G6PD: variants seen among roughly 807,000 people sequenced by gnomAD.
The protein encoded by G6PD is glucose-6-phosphate dehydrogenase.
Under a neutral mutation model 38.2 loss-of-function variants are expected in G6PD, and 2 were observed. That is an observed-to-expected ratio of 0.05 (90% CI 0.02 to 0.16). The LOEUF (loss-of-function observed/expected upper bound fraction) is 0.16. Ranked by LOEUF, G6PD falls within the 10% of genes least tolerant of loss-of-function variation. The pLI is 1.00. For synonymous variants in G6PD, 188 were observed against 196.0 expected (o/e 0.96, Z 0.34); for missense variants, 310 against 471.6 (o/e 0.66, Z 3.17).
intron 1 of G6PD, among the ~76,000 whole-genome samples, chrX:154,546,534 G>A (rs1463772518): frequency 5.4e-5 from 6 of 111,499 alleles, no homozygotes; most frequent in Non-Finnish European, 9.4e-5. Context: ...CTGGAGCATG[G>A]GAGATGGTGC....
At chrX:154,542,061 A>C (rs1260444966) in intron 2 of G6PD, among the ~76,000 whole-genome samples, 1 of 112,002 alleles carries the variant, frequency 8.9e-6, no homozygotes, top group East Asian at 2.8e-4. Context: ...AACCAACAAA[A>C]GGGCCTCCCT....
At chrX:154,533,977 A>C in intron 7 of G6PD, 58 bp downstream of exon 7, 1 of 1,209,276 alleles carries the variant, frequency 8.3e-7, no homozygotes. Context: ...GTAGCCCTGC[A>C]GGGTGACTGG....
chrX:154,533,485 A>C lies in G6PD; in HGVS notation c.864+91T>G, dbSNP rs1603411440. On this transcript the variant is annotated intron_variant, in intron 8 of 12. Coordinates refer to ENST00000393562, the MANE Select transcript of G6PD (RefSeq NM_001360016.2). ...TGGTGACTTCTCCGGGGTTGAGGACACCTGCTCTGCATGCACACCCCAGCT... is the reference window on the plus strand; with the variant it reads ...TGGTGACTTCTCCGGGGTTGAGGACCCCTGCTCTGCATGCACACCCCAGCT... The C allele has an allele frequency of 8.2e-6, 9 of 1,102,777 alleles. No individual in the cohort carries two copies. The East Asian group carries it at 2.1e-4, about 26-fold the overall frequency. 90.9% of individuals were successfully genotyped at this position (1,102,777 alleles called of 1,213,427 possible).
intron 2 of G6PD, among the ~76,000 whole-genome samples, chrX:154,537,489 C>T (rs2070423786): frequency 9.2e-6 from 1 of 108,744 alleles, no homozygotes; most frequent in African/African-American, 3.4e-5. Flanking sequence ...GTGGCCCATG[C>T]CTGTAATCCC....
At chrX:154,542,728 G>A (rs2070552471) in intron 2 of G6PD, among the ~76,000 whole-genome samples, 1 of 111,961 alleles carries the variant, frequency 8.9e-6, no homozygotes, top group Non-Finnish European at 1.9e-5. Context: ...CCAACTCGGG[G>A]CTCCGGGCAT....
chrX:154,541,302 G>C, intron 2 of G6PD: 1 of 111,736 alleles, frequency 8.9e-6, no homozygotes, highest in South Asian at 3.7e-4. Flanking sequence ...GGATTAACTA[G>C]AGATTGAACC....
At chrX:154,534,950 C>T (rs2070389441) in intron 5 of G6PD, 1 of 453,434 alleles carries the variant, frequency 2.2e-6, no homozygotes, top group Non-Finnish European at 3.8e-6. Flanking sequence ...ATTCGCAGAG[C>T]AAGGCTGCCA....
At chrX:154,533,202 A>G (rs2070362722) in intron 8 of G6PD, 74 bp from the exon 9 acceptor site, 1 of 1,093,688 alleles carries the variant, frequency 9.1e-7, no homozygotes, top group African/African-American at 1.8e-5. Flanking sequence ...GTGGCCACAG[A>G]TGTGCAGCCC....
chrX:154,543,129 C>A (rs1169904510), intron 2 of G6PD, among the ~76,000 whole-genome samples: 1 of 111,873 alleles, frequency 8.9e-6, no homozygotes, highest in African/African-American at 3.3e-5. Context: ...CACCTCCCAT[C>A]TCCCCCACAG....
intron 2 of G6PD, among the ~76,000 whole-genome samples, chrX:154,539,879 C>T (rs996718723): frequency 4.0e-4 from 44 of 110,002 alleles, no homozygotes; most frequent in Non-Finnish European, 7.6e-4. Flanking sequence ...CCTGCCACCA[C>T]GCCCGGCTAA....
At chrX:154,536,371 A>C (rs2070408931) in intron 2 of G6PD, among the ~76,000 whole-genome samples, 193 bp from the exon 3 acceptor site, 1 of 112,053 alleles carries the variant, frequency 8.9e-6, no homozygotes, top group Non-Finnish European at 1.9e-5. Flanking sequence ...CTGACCCAGA[A>C]GACATAAACG....
chrX:154,533,198 A>G, intron 8 of G6PD, 70 bp from the exon 9 acceptor site: 1 of 1,105,545 alleles, frequency 9.0e-7, no homozygotes, highest in Admixed American at 2.2e-5. Flanking sequence ...GACTGTGGCC[A>G]CAGATGTGCA....
In G6PD at chrX:154,533,935, G is replaced by A. The variant is rs2070373694; in HGVS notation, c.770+100C>T. 3 of 1,202,595 alleles carry A rather than the reference G, an allele frequency of 2.5e-6. No homozygotes were observed. The African/African-American group carries it at 5.3e-5, about 21-fold the overall frequency. ...CAGACACTTAGGTTTTGAACTGCAG[G>A]GTGAGGAGGAGCTCCCCCAAGATAG... On this transcript the variant is annotated intron_variant, in intron 7 of 12. Coordinates refer to ENST00000393562, the MANE Select transcript of G6PD (RefSeq NM_001360016.2).
rs1557233551 is a variant in G6PD at position 154,546,831 on chromosome X, G to A, written c.-51C>T. 2.6e-6 allele frequency: 3 copies of A among 1,147,671 alleles called. No individual in the cohort carries two copies. Among genetic ancestry groups the A allele is most frequent in the Non-Finnish European group, 3.5e-6 (3 of 865,854 alleles). The allele number at this position is 1,147,671 out of a possible 1,213,427, so 94.6% of individuals were successfully genotyped here. On this transcript the variant is annotated 5_prime_UTR_variant, in exon 1 of 13. Transcript: ENST00000393562. ...CGCCCTCCGCGCTCGCAGCCCCGAA[G>A]TGTACGACCGTTTCCGGGGGCTGAG...
chrX:154,535,646 G>C, intron 4 of G6PD: 3 of 448,793 alleles, frequency 6.7e-6, no homozygotes, highest in Non-Finnish European at 1.2e-5. Context: ...CCAGATTTCA[G>C]GATATTTTGA....
rs398123546 is a variant in G6PD at position 154,532,390 on chromosome X, G to A, written c.1360C>T (p.Arg454Cys). The A allele has an allele frequency of 6.8e-5, 82 of 1,210,242 alleles. 4 individuals carry two copies. The highest frequency in any genetic ancestry group is 3.0e-4 in the African/African-American group (17 of 57,564). The change falls in exon 11 of 13, where the codon CGC becomes TGC. Residue 454 changes from arginine (R) to cysteine (C), a missense_variant. This residue lies in a region of G6PD where 168 missense variants were observed against 309.2 expected (regional missense o/e 0.54). Transcript: ENST00000393562. ...VFCGSQMHFV[R>C]SDELREAWRI... ...GGGCCGGCAGCTGGGCCTCACCTGC[G>A]CACGAAGTGCATCTGGCTCCCGCAG...
chrX:154,533,743 A>G, intron 7 of G6PD, 74 bp from the exon 8 acceptor site: 1 of 1,197,651 alleles, frequency 8.3e-7, no homozygotes, highest in Non-Finnish European at 1.1e-6. Context: ...TGGGGACCCC[A>G]AACAAGGCTT....
intron 1 of G6PD, 28 bp from the exon 2 acceptor site, chrX:154,546,191 G>A (rs1557233242): frequency 3.3e-6 from 4 of 1,209,530 alleles, no homozygotes; most frequent in East Asian, 3.0e-5. Context: ...CGTTAACAAG[G>A]CAGAAGAACA....
intron 2 of G6PD, among the ~76,000 whole-genome samples, chrX:154,540,119 A>C (rs991931043): frequency 2.4e-4 from 26 of 109,395 alleles, no homozygotes; most frequent in Non-Finnish European, 4.2e-4. Flanking sequence ...AGGAGGGTGG[A>C]TCACCTGAGG....
Sources: allele counts gnomAD v4.1 joint callset (sites outside exome capture counted in the v4.1 genomes callset), GRCh38; gene constraint gnomAD v4.1.1; regional missense constraint gnomAD v4.1.1; transcripts MANE v1.5; gene names NCBI Gene and HGNC (gene_info 2026-07-23, HGNC 2026-07-21).